Variants in L1TD1 observed in about 807,000 individuals in gnomAD.
L1TD1 encodes the protein LINE-1 type transposase domain-containing protein 1.
L1TD1 carries 26 observed loss-of-function variants against 25.7 expected under a neutral mutation model. The ratio of observed to expected loss-of-function variants is 1.01; its 90% confidence interval spans 0.74 to 1.40. The LOEUF is 1.40. Among genes scored for constraint, L1TD1 ranks in the 40% most tolerant of loss-of-function variants. The probability of loss-of-function intolerance (pLI) is 0.00; values close to 1 mark genes in which losing one functional copy is unlikely to be tolerated. For missense variants in L1TD1, 1,130 were observed against 975.0 expected, an observed-to-expected ratio of 1.16 and a Z score of -2.12; for synonymous variants, 421 against 335.6, an observed-to-expected ratio of 1.25 and a Z score of -2.78.
intron 2 of L1TD1, among the ~76,000 whole-genome samples, chr1:62,203,280 GT>G (rs1252994623): frequency 6.6e-6 from 1 of 152,042 alleles, no homozygotes; most frequent in Non-Finnish European, 1.5e-5. Flanking sequence ...CAATTATACT[GT>G]TTAAGTATAC....
Position 62,211,114 on chromosome 1 carries a change from A to G in L1TD1, c.2340A>G (p.Arg780=), listed in dbSNP as rs936524228. 5.2e-6 allele frequency: 8 copies of G among 1,549,126 alleles called. No individual in the cohort carries two copies. In the African/African-American group the frequency reaches 6.9e-5, roughly 13 times the overall value. ...KEKIIRASRE[R]REITYQGTRI... is the part of the protein sequence containing the mutation. Reference sequence around the variant, plus strand: ...AAATAATAAGGGCTTCTAGAGAGAGAAGAGAAATTACCTACCAAGGAACAA... The same window carrying G: ...AAATAATAAGGGCTTCTAGAGAGAGGAGAGAAATTACCTACCAAGGAACAA... Residue 780 remains arginine (R), a synonymous_variant, in exon 4 of 4, where the codon AGA becomes AGG. Transcript: ENST00000498273.
In L1TD1 at chr1:62,206,575, A is replaced by G. The variant is rs1031918870; in HGVS notation, c.-54A>G. ...GAAGTCTAGCAGGCCTGTAAGAACA[A>G]AAATCATTCTGTAGGAATTAAAAAC... On this transcript the variant is annotated 5_prime_UTR_variant, in exon 3 of 4. Coordinates refer to ENST00000498273, the MANE Select transcript of L1TD1 (RefSeq NM_019079.5). 2.9e-6 allele frequency: 4 copies of G among 1,392,934 alleles called. No homozygotes were observed. Among genetic ancestry groups the G allele is most frequent in the Non-Finnish European group, 2.8e-6 (3 of 1,070,204 alleles). The allele number at this position is 1,392,934 out of a possible 1,614,324, so 86.3% of individuals were successfully genotyped here.
At chr1:62,209,249 T>C (rs1027735407) in intron 3 of L1TD1, among the ~76,000 whole-genome samples, 49 of 152,012 alleles carry the variant, frequency 3.2e-4, no homozygotes, top group African/African-American at 1.2e-3. Flanking sequence ...CCTGCTTGTC[T>C]TTAAAGTCCT....
chr1:62,204,905 T>C lies in L1TD1; in HGVS notation c.-110-1614T>C, dbSNP rs1045985717. ...GATCCTCTTACCTCAGCCTCCCTTATTACTGGGACTACAGTGCACGCCACC... is the reference window on the plus strand; with the variant it reads ...GATCCTCTTACCTCAGCCTCCCTTACTACTGGGACTACAGTGCACGCCACC... On this transcript the variant is annotated intron_variant, in intron 2 of 3. Coordinates refer to ENST00000498273, the MANE Select transcript of L1TD1 (RefSeq NM_019079.5). 2.6e-5 allele frequency among the ~76,000 whole-genome samples: 4 copies of C among 152,200 alleles called. No individual in the cohort carries two copies. In the East Asian group the frequency reaches 7.7e-4, roughly 29 times the overall value.
intron 3 of L1TD1, among the ~76,000 whole-genome samples, chr1:62,208,621 T>C (rs1323552227): frequency 5.3e-5 from 8 of 151,674 alleles, no homozygotes; most frequent in Non-Finnish European, 8.8e-5. Flanking sequence ...TGGGACCACA[T>C]GCATGCACTA....
chr1:62,197,400 TATATATATATATATA>T (rs368021466), intron 2 of L1TD1, among the ~76,000 whole-genome samples: 69,156 of 111,844 alleles, frequency 0.62, 17,804 homozygotes, highest in East Asian at 0.71. Flanking sequence ...AAATAAATTA[TATATATATATATATA>T]TATATATATA....
chr1:62,211,481 C>A lies in L1TD1; in HGVS notation c.*109C>A. 1 of 1,479,948 alleles carries A rather than the reference C, an allele frequency of 6.8e-7. No individual in the cohort carries two copies. Among genetic ancestry groups the A allele is most frequent in the Non-Finnish European group, 8.9e-7 (1 of 1,119,778 alleles). The allele number at this position is 1,479,948 out of a possible 1,614,324, so 91.7% of individuals were successfully genotyped here. A position where few individuals can be genotyped will look rare whatever the true frequency, so the allele number is the denominator to read the frequency against. ...ACCCAGAAGGATGGACAGCTAATAG[C>A]GTACTTGGGGATGAGGAGCAAGGAA... On this transcript the variant is annotated 3_prime_UTR_variant, in exon 4 of 4. Coordinates refer to ENST00000498273, the MANE Select transcript of L1TD1 (RefSeq NM_019079.5).
chr1:62,205,523 C>G (rs1191487126), intron 2 of L1TD1, among the ~76,000 whole-genome samples: 2 of 147,160 alleles, frequency 1.4e-5, no homozygotes, highest in Non-Finnish European at 3.0e-5. Flanking sequence ...CCTCTGCCTC[C>G]CAGGTTCAAG....
At position 62,210,901 on chromosome 1, in the gene L1TD1, A is replaced by G; in HGVS notation, c.2127A>G (p.Glu709=). 1 of 1,551,420 alleles carries G rather than the reference A, an allele frequency of 6.4e-7. No homozygotes were observed. The highest frequency in any genetic ancestry group is 8.7e-7 in the Non-Finnish European group (1 of 1,146,934). The stretch of plus-strand genomic sequence containing the variant: ...ACATTCGTTTGATAGGAATTCCAGA[A>G]AAGGAGAGTTATGAGAATAGGGCAG... The part of the protein sequence containing the change: ...SCNIRLIGIP[E]KESYENRAED... The change falls in exon 4 of 4, where the codon GAA becomes GAG. Residue 709 remains glutamate, a synonymous_variant. Transcript: ENST00000498273.
chr1:62,202,540 T>C (rs1420086007), intron 2 of L1TD1, among the ~76,000 whole-genome samples: 2 of 128,266 alleles, frequency 1.6e-5, no homozygotes, highest in African/African-American at 6.2e-5. Flanking sequence ...TTTTTCTTTT[T>C]CTTTTCTTTT....
Position 62,203,414 on chromosome 1 carries a change from C to T in L1TD1, c.-110-3105C>T, listed in dbSNP as rs560291736. Among the ~76,000 whole-genome samples, 5 of 152,160 alleles carry T rather than the reference C, an allele frequency of 3.3e-5. No individual in the cohort carries two copies. In the South Asian group the frequency reaches 1.0e-3, roughly 32 times the overall value. On this transcript the variant is annotated intron_variant, in intron 2 of 3. Coordinates refer to ENST00000498273, the MANE Select transcript of L1TD1 (RefSeq NM_019079.5). ...TACTACCCTTCCCAGGCTCTGGTAA[C>T]TATCATTCTACTCTCTTTTTTTTTT... is the stretch of plus-strand genomic sequence containing the variant.
intron 2 of L1TD1, among the ~76,000 whole-genome samples, chr1:62,203,161 ATATT>A (rs1292172476): frequency 6.6e-6 from 1 of 152,098 alleles, no homozygotes; most frequent in Non-Finnish European, 1.5e-5. Flanking sequence ...GTAGATGTAT[ATATT>A]TATTTCCATA....
intron 1 of L1TD1, 21 bp from the exon 2 acceptor site, chr1:62,196,414 T>G (rs1339415423): frequency 6.6e-6 from 1 of 152,240 alleles, no homozygotes; most frequent in Non-Finnish European, 1.5e-5. Context: ...TTTGGTGTTA[T>G]GAACTTGACT....
At chr1:62,198,549 A>G (rs1439285337) in intron 2 of L1TD1, among the ~76,000 whole-genome samples, 1 of 151,936 alleles carries the variant, frequency 6.6e-6, no homozygotes, top group East Asian at 1.9e-4. Context: ...GCCGATAAGA[A>G]CAGGCTGCCA....
rs1338558351 is a variant in L1TD1, at chr1:62,207,273, A to G, written c.645A>G (p.Arg215=). The G allele has an allele frequency of 6.4e-7, 1 of 1,550,880 alleles. No individual in the cohort carries two copies. The highest frequency in any genetic ancestry group is 8.7e-7 in the Non-Finnish European group (1 of 1,146,810). The change falls in exon 3 of 4, where the codon AGA becomes AGG. Residue 215 remains arginine, a synonymous_variant. Transcript: ENST00000498273. ...TTGTCAAAGAAATGAGAGAGGAAAG[A>G]AAATTTCAGAAATTGAAGAATAAAG... ...DEFVKEMREE[R]KFQKLKNKEE... is the part of the protein sequence containing the mutation.
Position 62,210,268 on chromosome 1 carries a change from T to G in L1TD1, c.1494T>G (p.Thr498=). ...GAAAGGTAAAGACTACCTCCCTGAC[T>G]GAGAAAAAAGCCTCACGTAGACAAA... ...ETGKVKTTSL[T]EKKASRRQKE... The change falls in exon 4 of 4, where the codon ACT becomes ACG. Residue 498 remains threonine (T), a synonymous_variant. Coordinates refer to ENST00000498273, the MANE Select transcript of L1TD1 (RefSeq NM_019079.5). The G allele has an allele frequency of 1.2e-6, 2 of 1,614,098 alleles. No homozygotes were observed. The highest frequency in any genetic ancestry group is 3.3e-5 in the Admixed American group (2 of 60,006).
In L1TD1 at chr1:62,210,172, A is replaced by C. The variant is rs898306711; in HGVS notation, c.1398A>C (p.Glu466Asp). 5 of 1,614,072 alleles carry C rather than the reference A, an allele frequency of 3.1e-6. No homozygotes were observed. In the East Asian group the frequency reaches 1.1e-4, roughly 36 times the overall value. Residue 466 changes from glutamate to aspartate, a missense_variant, in exon 4 of 4, where the codon GAA (glutamate) becomes GAC (aspartate). By Grantham distance (45) the Glu-to-Asp change is conservative. Coordinates refer to ENST00000498273, the MANE Select transcript of L1TD1 (RefSeq NM_019079.5). Reference protein sequence around the residue: ...HEVEITSDGMETTFIDSVEDS... With the variant: ...HEVEITSDGMDTTFIDSVEDS... ...TTGAGATAACCAGTGATGGCATGGAAACTACTTTCATTGACTCTGTAGAGG... is the reference window on the plus strand; with the variant it reads ...TTGAGATAACCAGTGATGGCATGGACACTACTTTCATTGACTCTGTAGAGG...
At chr1:62,203,898 G>T (rs1670688357) in intron 2 of L1TD1, among the ~76,000 whole-genome samples, 1 of 152,016 alleles carries the variant, frequency 6.6e-6, no homozygotes, top group South Asian at 2.1e-4. Context: ...GCTAATTTTT[G>T]TATTTTTAGT....
At chr1:62,195,762 G>C (rs1670524094) in intron 1 of L1TD1, among the ~76,000 whole-genome samples, 1 of 151,664 alleles carries the variant, frequency 6.6e-6, no homozygotes, top group African/African-American at 2.4e-5. Context: ...AATAAAAAAA[G>C]ATGGAGGGCC....
Sources: allele counts gnomAD v4.1 joint callset (sites outside exome capture counted in the v4.1 genomes callset), GRCh38; gene constraint gnomAD v4.1.1; transcripts MANE v1.5; gene names NCBI Gene and HGNC (gene_info 2026-07-23, HGNC 2026-07-21).